Variants in TRPC7 observed in about 807,000 individuals in gnomAD.
The protein encoded by TRPC7 is transient receptor potential cation channel subfamily C member 7, also known as short transient receptor potential channel 7.
TRPC7 carries 42 observed loss-of-function variants against 90.1 expected under a neutral mutation model. The observed-to-expected ratio is 0.47, with a 90% CI of 0.36 to 0.60. TRPC7 has a LOEUF of 0.60. Ranked by LOEUF, TRPC7 falls within the 20% of genes least tolerant of loss-of-function variation. The pLI is 0.00. For synonymous variants in TRPC7, 451 were observed against 436.3 expected, an observed-to-expected ratio of 1.03 and a Z score of -0.42; for missense variants, 955 against 1,112.3, an observed-to-expected ratio of 0.86 and a Z score of 2.01.
rs1580945895 is a variant in TRPC7, at chr5:136,316,009, C to T, written c.781-230G>A. 2.6e-5 allele frequency: 14 copies of T among 531,266 alleles called. No homozygotes were observed. In the East Asian group the frequency reaches 4.3e-4, roughly 16 times the overall value. The allele number at this position is 531,266 out of a possible 1,614,324, so 32.9% of individuals were successfully genotyped here. ...AGGTCAGCATGTGTGAAGGTGTGGTCCATGGGCCACCTGCATCAGAGTCAC... is the reference window on the plus strand; with the variant it reads ...AGGTCAGCATGTGTGAAGGTGTGGTTCATGGGCCACCTGCATCAGAGTCAC... On this transcript the variant is annotated intron_variant, in intron 2 of 11. Coordinates refer to ENST00000513104, the MANE Select transcript of TRPC7 (RefSeq NM_020389.3).
At chr5:136,360,561 C>T (rs1182117493) in intron 1 of TRPC7, among the ~76,000 whole-genome samples, 1 of 152,180 alleles carries the variant, frequency 6.6e-6, no homozygotes, top group Non-Finnish European at 1.5e-5. Flanking sequence ...ACCTTGAAAG[C>T]AGACACCCAG....
chr5:136,269,045 T>C (rs888230548), intron 4 of TRPC7, among the ~76,000 whole-genome samples: 1 of 152,196 alleles, frequency 6.6e-6, no homozygotes, highest in African/African-American at 2.4e-5. Flanking sequence ...TCAACCAATA[T>C]ATGCTAGCAG....
At chr5:136,241,654 C>T (rs1208625262) in intron 7 of TRPC7, among the ~76,000 whole-genome samples, 1 of 152,074 alleles carries the variant, frequency 6.6e-6, no homozygotes, top group Non-Finnish European at 1.5e-5. Flanking sequence ...CTCCCAGGTT[C>T]AAGTGATTCT....
At chr5:136,292,307 G>A (rs1757986202) in intron 3 of TRPC7, among the ~76,000 whole-genome samples, 1 of 152,054 alleles carries the variant, frequency 6.6e-6, no homozygotes, top group Non-Finnish European at 1.5e-5. Flanking sequence ...CAGAACTGAA[G>A]GAAATAGAGA....
intron 7 of TRPC7, among the ~76,000 whole-genome samples, chr5:136,237,439 G>A (rs959235776): frequency 4.6e-5 from 7 of 152,212 alleles, no homozygotes; most frequent in Non-Finnish European, 7.3e-5. Flanking sequence ...TACACAGGAG[G>A]CATTCAACAA....
intron 6 of TRPC7, among the ~76,000 whole-genome samples, chr5:136,250,864 CT>C: frequency 6.6e-6 from 1 of 152,316 alleles, no homozygotes; most frequent in South Asian, 2.1e-4. Flanking sequence ...AACCACTATG[CT>C]ATTCAGCATG....
chr5:136,252,087 C>A (rs1287606784), intron 5 of TRPC7, among the ~76,000 whole-genome samples: 1 of 152,130 alleles, frequency 6.6e-6, no homozygotes, highest in African/African-American at 2.4e-5. Context: ...TGCTTACGAA[C>A]ACACTGTCTC....
At chr5:136,281,068 C>T (rs923139213) in intron 3 of TRPC7, among the ~76,000 whole-genome samples, 1 of 152,162 alleles carries the variant, frequency 6.6e-6, no homozygotes, top group Admixed American at 6.5e-5. Flanking sequence ...CAGACCGAAA[C>T]ACCAAAGCAC....
chr5:136,337,424 T>A (rs1350944096), intron 2 of TRPC7, among the ~76,000 whole-genome samples: 1 of 152,168 alleles, frequency 6.6e-6, no homozygotes, highest in Non-Finnish European at 1.5e-5. Context: ...TCTCAGCACT[T>A]TGGGAAGCCA....
At chr5:136,234,785 C>T (rs1755935263) in intron 7 of TRPC7, among the ~76,000 whole-genome samples, 1 of 152,126 alleles carries the variant, frequency 6.6e-6, no homozygotes, top group Admixed American at 6.5e-5. Flanking sequence ...TTCATTTGTA[C>T]CCACATGTTC....
At chr5:136,237,116 C>T (rs982032751) in intron 7 of TRPC7, among the ~76,000 whole-genome samples, 1 of 152,140 alleles carries the variant, frequency 6.6e-6, no homozygotes, top group Admixed American at 6.5e-5. Context: ...AGCAGTTGGA[C>T]CAGGTTTGAG....
intron 3 of TRPC7, among the ~76,000 whole-genome samples, chr5:136,309,482 C>T (rs1229068803): frequency 6.6e-6 from 1 of 152,096 alleles, no homozygotes; most frequent in Non-Finnish European, 1.5e-5. Context: ...ATACGAATTC[C>T]CTCAACTTTT....
chr5:136,365,506 T>C lies in TRPC7; in HGVS notation c.-252A>G. 1 of 567,222 alleles carries C rather than the reference T, an allele frequency of 1.8e-6. No individual in the cohort carries two copies. 35.1% of individuals were successfully genotyped at this position (567,222 alleles called of 1,614,324 possible). ...CGTCCTTTTCCTAATCGGGGGGAAATTTCCCAGAGAACATGACGGAGAAGC... is the reference window on the plus strand; with the variant it reads ...CGTCCTTTTCCTAATCGGGGGGAAACTTCCCAGAGAACATGACGGAGAAGC... On this transcript the variant is annotated 5_prime_UTR_variant, in exon 1 of 12. Transcript: ENST00000513104.
In TRPC7 at chr5:136,213,387, A is replaced by G. The variant is rs774888798; in HGVS notation, c.*48T>C. On this transcript the variant is annotated 3_prime_UTR_variant, in exon 12 of 12. Coordinates refer to ENST00000513104, the MANE Select transcript of TRPC7 (RefSeq NM_020389.3). ...CCAAGGATGGGGGCGAGGGCATCCA[A>G]CCTGGCCTTGGAATGCTGGTAGAAG... The G allele has an allele frequency of 6.2e-7, 1 of 1,600,826 alleles. No homozygotes were observed. Among genetic ancestry groups the G allele is most frequent in the East Asian group, 2.2e-5 (1 of 44,684 alleles).
intron 3 of TRPC7, among the ~76,000 whole-genome samples, chr5:136,295,207 G>A (rs1045188557): frequency 5.3e-5 from 8 of 152,066 alleles, no homozygotes; most frequent in African/African-American, 1.9e-4. Context: ...GTTAATGGGT[G>A]CAGCACACCA....
chr5:136,305,482 C>T (rs1478558836), intron 3 of TRPC7, among the ~76,000 whole-genome samples: 3 of 152,062 alleles, frequency 2.0e-5, no homozygotes, highest in Non-Finnish European at 2.9e-5. Context: ...GGCCCCCTCC[C>T]TTCCCTACAC....
At chr5:136,241,868 T>A (rs1561684085) in intron 7 of TRPC7, among the ~76,000 whole-genome samples, 1 of 152,326 alleles carries the variant, frequency 6.6e-6, no homozygotes, top group Middle Eastern at 3.4e-3. Flanking sequence ...GGCACCCTTT[T>A]TCTATGCATT....
At chr5:136,299,431 G>T (rs1044993539) in intron 3 of TRPC7, among the ~76,000 whole-genome samples, 4 of 151,086 alleles carry the variant, frequency 2.6e-5, no homozygotes, top group Admixed American at 6.6e-5. Flanking sequence ...AGACCAGTTA[G>T]ATGCTATTCT....
intron 2 of TRPC7, among the ~76,000 whole-genome samples, chr5:136,328,712 T>C (rs1165231205): frequency 2.6e-5 from 4 of 152,240 alleles, no homozygotes; most frequent in Non-Finnish European, 4.4e-5. Context: ...TCACACAATA[T>C]GTGGCAAGTA....
Sources: allele counts gnomAD v4.1 joint callset (sites outside exome capture counted in the v4.1 genomes callset), GRCh38; gene constraint gnomAD v4.1.1; transcripts MANE v1.5; gene names NCBI Gene and HGNC (gene_info 2026-07-23, HGNC 2026-07-21).